The following DHRSX variants were observed in gnomAD, a reference collection of about 807,000 sequenced individuals.
DHRSX encodes polyprenol dehydrogenase.
DHRSX carries 31 observed loss-of-function variants against 34.0 expected under a neutral mutation model. That is an observed-to-expected ratio of 0.91 (90% CI 0.69 to 1.23). The LOEUF (loss-of-function observed/expected upper bound fraction) is 1.23, where lower values mean the gene tolerates loss of function less well. Among genes scored for constraint, DHRSX ranks in the 50% most tolerant of loss-of-function variants. The pLI is 0.00. For missense variants in DHRSX, 414 were observed against 428.1 expected (o/e 0.97, Z 0.29); for synonymous variants, 201 against 183.8 (o/e 1.09, Z -0.76).
chrX:2,486,417 A>T (rs1161413107), intron 1 of DHRSX: 2 of 152,214 alleles, frequency 1.3e-5, no homozygotes, highest in African/African-American at 2.4e-5. Context: ...CGCGGCAGAC[A>T]AATGAATGAG....
At chrX:2,469,859 G>A (rs1292120731) in intron 1 of DHRSX, among the ~76,000 whole-genome samples, 2 of 152,178 alleles carry the variant, frequency 1.3e-5, no homozygotes, top group African/African-American at 4.8e-5. Flanking sequence ...CAAAACATCA[G>A]AGGAAAGAAT....
chrX:2,267,047 A>C (rs766468287), intron 4 of DHRSX, 100 bp from the exon 5 acceptor site: 1 of 1,243,648 alleles, frequency 8.0e-7, no homozygotes, highest in African/African-American at 1.5e-5. Flanking sequence ...AGGACATCGG[A>C]GGGTGGGGTG....
At chrX:2,271,853 C>T (rs1009035372) in intron 4 of DHRSX, among the ~76,000 whole-genome samples, 1 of 152,028 alleles carries the variant, frequency 6.6e-6, no homozygotes, top group Admixed American at 6.6e-5. Context: ...ACCAGCTTGG[C>T]CAACATGGAG....
At position 2,389,111 on chromosome X, in the gene DHRSX, A is replaced by G. The variant is rs141838913; in HGVS notation, c.286+19634T>C. 2.0e-3 allele frequency among the ~76,000 whole-genome samples: 303 copies of G among 152,296 alleles called. 5 individuals carry two copies. The East Asian group carries it at 0.048, about 24-fold the overall frequency. ...GCTACAAGACGAATACACGGACCAGAGCATTAGAAGCGCCGCAGGTGGTCT... is the reference window on the plus strand; with the variant it reads ...GCTACAAGACGAATACACGGACCAGGGCATTAGAAGCGCCGCAGGTGGTCT... On this transcript the variant is annotated intron_variant, in intron 3 of 6. Coordinates refer to ENST00000334651, the MANE Select transcript of DHRSX (RefSeq NM_145177.3).
chrX:2,289,908 C>A (rs2041846566), intron 4 of DHRSX, among the ~76,000 whole-genome samples: 1 of 152,230 alleles, frequency 6.6e-6, no homozygotes, highest in Admixed American at 6.5e-5. Context: ...GACCTTCCAA[C>A]AGGAGCCACT....
rs772094963 is a variant in DHRSX, at chrX:2,266,741, T to G, written c.595A>C (p.Ser199Arg). 3 of 1,613,898 alleles carry G rather than the reference T, an allele frequency of 1.9e-6. No individual in the cohort carries two copies. In the East Asian group the frequency reaches 6.7e-5, roughly 36 times the overall value. Residue 199 changes from serine (S) to arginine (R), a missense_variant and splice_region_variant, in exon 5 of 7, where the codon AGT becomes CGT. By Grantham distance (110) the Ser-to-Arg change is moderately radical (BLOSUM62 -1). Coordinates refer to ENST00000334651, the MANE Select transcript of DHRSX (RefSeq NM_145177.3). ...TGATTATTCACAGGGTGCACCTACC[T>G]GCTCTGAAGGTCATCCATGTTCAGC... Reference protein sequence around the residue: ...AELNMDDLQSSACYSPHAAYA... With the variant: ...AELNMDDLQSRACYSPHAAYA...
intron 3 of DHRSX, among the ~76,000 whole-genome samples, chrX:2,309,902 C>G (rs2042143244): frequency 6.6e-6 from 1 of 152,114 alleles, no homozygotes; most frequent in Non-Finnish European, 1.5e-5. Context: ...GCTTAGAAAA[C>G]AGAGCAAGAC....
intron 1 of DHRSX, among the ~76,000 whole-genome samples, chrX:2,466,232 A>G (rs778705425): frequency 3.9e-5 from 6 of 152,270 alleles, no homozygotes; most frequent in African/African-American, 1.2e-4. Context: ...TGAGGTCGGT[A>G]GCTCAAGACC....
chrX:2,352,355 C>T (rs370679454), intron 3 of DHRSX, among the ~76,000 whole-genome samples: 1 of 152,030 alleles, frequency 6.6e-6, no homozygotes, highest in Admixed American at 6.6e-5. Context: ...ATCAGTGATC[C>T]GCAAGCAGAT....
At chrX:2,395,461 G>A (rs149543400) in intron 3 of DHRSX, among the ~76,000 whole-genome samples, 1,996 of 152,204 alleles carry the variant, frequency 0.013, 41 homozygotes, top group South Asian at 0.07. Context: ...TCCACTCCTG[G>A]CAGACCTCCC....
At chrX:2,307,788 AT>A (rs1246965130) in intron 3 of DHRSX, among the ~76,000 whole-genome samples, 3 of 142,402 alleles carry the variant, frequency 2.1e-5, no homozygotes, top group Non-Finnish European at 4.5e-5. Context: ...AGTAATAAAA[AT>A]AAAAAAAATA....
intron 1 of DHRSX, chrX:2,489,613 G>A (rs1335604257): frequency 3.7e-6 from 6 of 1,612,552 alleles, no homozygotes; most frequent in African/African-American, 2.7e-5. Flanking sequence ...CGGCGATGAC[G>A]AACTGCTGCT....
At chrX:2,243,786 C>CTGTTTT (rs2016202478) in intron 5 of DHRSX, among the ~76,000 whole-genome samples, 5 of 25,116 alleles carry the variant, frequency 2.0e-4, no homozygotes, top group Non-Finnish European at 5.4e-4. Flanking sequence ...ACTATGCTCC[C>CTGTTTT]TGTTTTTTTT....
At chrX:2,477,454 T>C (rs1392092207) in intron 1 of DHRSX, among the ~76,000 whole-genome samples, 1 of 152,142 alleles carries the variant, frequency 6.6e-6, no homozygotes, top group Non-Finnish European at 1.5e-5. Flanking sequence ...ACAGGAATAT[T>C]GTAACAGGGA....
intron 3 of DHRSX, among the ~76,000 whole-genome samples, chrX:2,400,827 A>G (rs1274693990): frequency 2.6e-5 from 4 of 152,140 alleles, no homozygotes; most frequent in African/African-American, 9.7e-5. Flanking sequence ...TCCTGATTTC[A>G]CAGTATTCTG....
intron 3 of DHRSX, among the ~76,000 whole-genome samples, chrX:2,356,695 C>A (rs2042857062): frequency 6.6e-6 from 1 of 152,270 alleles, no homozygotes; most frequent in African/African-American, 2.4e-5. Flanking sequence ...TCCTCCTCAG[C>A]CTCCTCCATG....
intron 3 of DHRSX, among the ~76,000 whole-genome samples, chrX:2,406,589 T>G (rs2043558241): frequency 6.6e-6 from 1 of 151,922 alleles, no homozygotes; most frequent in Non-Finnish European, 1.5e-5. Flanking sequence ...TACAGGCCCC[T>G]GCCACCACGC....
At chrX:2,431,881 A>G (rs1335610113) in intron 1 of DHRSX, among the ~76,000 whole-genome samples, 1 of 152,262 alleles carries the variant, frequency 6.6e-6, no homozygotes, top group Non-Finnish European at 1.5e-5. Flanking sequence ...AAACCTGCAC[A>G]TGTACCCCCG....
chrX:2,458,910 C>T (rs1363910887), intron 1 of DHRSX, among the ~76,000 whole-genome samples: 2 of 151,790 alleles, frequency 1.3e-5, no homozygotes, highest in African/African-American at 4.8e-5. Flanking sequence ...GAGGCTGAGG[C>T]AGAAGGATCA....
Sources: allele counts gnomAD v4.1 joint callset (sites outside exome capture counted in the v4.1 genomes callset), GRCh38; gene constraint gnomAD v4.1.1; transcripts MANE v1.5; gene names NCBI Gene and HGNC (gene_info 2026-07-23, HGNC 2026-07-21).